The following CNTN4 variants were observed in gnomAD, a reference collection of about 807,000 sequenced individuals.
CNTN4 encodes the protein contactin 4.
A neutral mutation model predicts 122.5 loss-of-function variants in CNTN4; 77 were observed. That is an observed-to-expected ratio of 0.63 (90% CI 0.52 to 0.76). The LOEUF (loss-of-function observed/expected upper bound fraction) is 0.76, where lower values mean the gene tolerates loss of function less well. Ranked by LOEUF, CNTN4 falls within the 30% of genes least tolerant of loss-of-function variation. The pLI is 0.00. For synonymous variants in CNTN4, 512 were observed against 447.0 expected (o/e 1.15, Z -1.83); for missense variants, 1,256 against 1,259.1 (o/e 1.00, Z 0.04).
chr3:2,944,524 A>G (rs1164161768), intron 13 of CNTN4, among the ~76,000 whole-genome samples: 3 of 152,162 alleles, frequency 2.0e-5, no homozygotes, highest in Non-Finnish European at 2.9e-5. Flanking sequence ...TTATTTTTGA[A>G]TATGTCACAC....
chr3:2,990,874 C>T (rs1389223283), intron 14 of CNTN4, among the ~76,000 whole-genome samples: 1 of 152,244 alleles, frequency 6.6e-6, no homozygotes, highest in East Asian at 1.9e-4. Context: ...TTTACAGTTA[C>T]AATTTTTTAA....
intron 4 of CNTN4, among the ~76,000 whole-genome samples, chr3:2,635,890 G>A (rs2082637923): frequency 6.6e-6 from 1 of 152,080 alleles, no homozygotes; most frequent in Admixed American, 6.5e-5. Flanking sequence ...ACCACCTCTG[G>A]ACAATGAGAC....
At chr3:2,808,910 A>G (rs2092537195) in intron 6 of CNTN4, among the ~76,000 whole-genome samples, 2 of 152,168 alleles carry the variant, frequency 1.3e-5, no homozygotes, top group African/African-American at 4.8e-5. Flanking sequence ...TGTCATGAGG[A>G]CAAATACAAG....
At chr3:2,637,840 T>G (rs1448380692) in intron 4 of CNTN4, among the ~76,000 whole-genome samples, 1 of 152,128 alleles carries the variant, frequency 6.6e-6, no homozygotes, top group African/African-American at 2.4e-5. Flanking sequence ...AACTTCCGAT[T>G]ACAGACGCTT....
At chr3:2,283,913 A>C in intron 2 of CNTN4, among the ~76,000 whole-genome samples, 1 of 151,944 alleles carries the variant, frequency 6.6e-6, no homozygotes, top group Admixed American at 6.6e-5. Flanking sequence ...CCCTTTATGA[A>C]TTTTTCATAT....
At chr3:2,521,343 T>TCGGGCCCCC (rs781282977) in intron 3 of CNTN4, among the ~76,000 whole-genome samples, 1 of 128,366 alleles carries the variant, frequency 7.8e-6, no homozygotes, top group Non-Finnish European at 1.6e-5. Context: ...CCTCTACCCA[T>TCGGGCCCCC]CCCCCCCACC....
At chr3:2,564,344 G>A (rs984542892) in intron 3 of CNTN4, among the ~76,000 whole-genome samples, 1 of 152,024 alleles carries the variant, frequency 6.6e-6, no homozygotes, top group Admixed American at 6.6e-5. Context: ...CTTGTGGCTT[G>A]GAGTTAAATT....
At chr3:2,239,780 A>G (rs558693901) in intron 2 of CNTN4, among the ~76,000 whole-genome samples, 1 of 152,304 alleles carries the variant, frequency 6.6e-6, no homozygotes, top group South Asian at 2.1e-4. Context: ...AAAGGGTACA[A>G]TTAATTTATT....
At chr3:2,554,225 C>G (rs925911424) in intron 3 of CNTN4, among the ~76,000 whole-genome samples, 11 of 152,098 alleles carry the variant, frequency 7.2e-5, no homozygotes, top group African/African-American at 2.7e-4. Context: ...AGTTATCTAT[C>G]CAAATAGGTA....
At chr3:3,042,481 T>C in intron 21 of CNTN4, 59 bp downstream of exon 21, 2 of 1,092,316 alleles carry the variant, frequency 1.8e-6, no homozygotes, top group Non-Finnish European at 2.8e-6. Flanking sequence ...TGATAAGTCC[T>C]CCAAGTCACA....
At chr3:2,892,307 A>G (rs1678436497) in intron 10 of CNTN4, 1 of 152,188 alleles carries the variant, frequency 6.6e-6, no homozygotes, top group African/African-American at 2.4e-5. Context: ...GTAAGTTCCC[A>G]AGTAATGCTG....
At chr3:2,609,124 A>G (rs1207831481) in intron 4 of CNTN4, among the ~76,000 whole-genome samples, 1 of 152,210 alleles carries the variant, frequency 6.6e-6, no homozygotes, top group East Asian at 1.9e-4. Context: ...TCATGGGCTG[A>G]TAGATATTGC....
chr3:2,325,028 G>A lies in CNTN4; in HGVS notation c.-144-14150G>A, dbSNP rs1441857939. On this transcript the variant is annotated intron_variant, in intron 2 of 24. Coordinates refer to ENST00000418658, the MANE Select transcript of CNTN4 (RefSeq NM_175607.3). ...TTATAGTAGTTCTCAAAGTCTGGTC[G>A]AGGAAACCTGAAGGGGTAGTGAAAA... is the stretch of plus-strand genomic sequence containing the variant. Among the ~76,000 whole-genome samples, 9 of 152,234 alleles carry A rather than the reference G, an allele frequency of 5.9e-5. No homozygotes were observed. The East Asian group carries it at 9.7e-4, about 16-fold the overall frequency.
intron 4 of CNTN4, among the ~76,000 whole-genome samples, chr3:2,658,741 A>T (rs2083715872): frequency 6.6e-6 from 1 of 152,142 alleles, no homozygotes; most frequent in Admixed American, 6.5e-5. Flanking sequence ...TTTTATCTGA[A>T]GTAAGTGAGA....
chr3:2,366,058 G>A (rs191180889), intron 3 of CNTN4, among the ~76,000 whole-genome samples: 1 of 152,156 alleles, frequency 6.6e-6, no homozygotes, highest in East Asian at 1.9e-4. Context: ...TACCCAACAT[G>A]GCAACTCCAT....
chr3:2,956,187 A>G (rs537080930), intron 13 of CNTN4, among the ~76,000 whole-genome samples: 1 of 152,222 alleles, frequency 6.6e-6, no homozygotes, highest in Non-Finnish European at 1.5e-5. Context: ...ACTGGACACA[A>G]AAGGACAAAT....
intron 4 of CNTN4, among the ~76,000 whole-genome samples, chr3:2,714,572 C>G (rs533406746): frequency 4.6e-5 from 7 of 152,034 alleles, no homozygotes; most frequent in African/African-American, 7.2e-5. Flanking sequence ...AAAGACCAAA[C>G]CAAACAAGTA....
chr3:2,311,942 G>A (rs1160961226), intron 2 of CNTN4, among the ~76,000 whole-genome samples: 2 of 151,984 alleles, frequency 1.3e-5, no homozygotes, highest in Non-Finnish European at 2.9e-5. Flanking sequence ...GATTCTTAAG[G>A]ATGTGTATCT....
intron 3 of CNTN4, among the ~76,000 whole-genome samples, chr3:2,464,536 C>G (rs1304331152): frequency 6.6e-6 from 1 of 152,180 alleles, no homozygotes; most frequent in Non-Finnish European, 1.5e-5. Flanking sequence ...AGAGGAGTGA[C>G]TAAAGAGAAA....
Sources: allele counts gnomAD v4.1 joint callset (sites outside exome capture counted in the v4.1 genomes callset), GRCh38; gene constraint gnomAD v4.1.1; transcripts MANE v1.5; gene names NCBI Gene and HGNC (gene_info 2026-07-23, HGNC 2026-07-21).